Variants in SYNJ1 observed in about 807,000 individuals in gnomAD.
The protein encoded by SYNJ1 is synaptojanin 1.
In SYNJ1, 78 loss-of-function variants were observed where a neutral mutation model predicts 168.2. The observed-to-expected ratio is 0.46, with a 90% confidence interval of 0.39 to 0.56. SYNJ1 has a LOEUF of 0.56. Ranked by LOEUF, SYNJ1 falls within the 20% of genes least tolerant of loss-of-function variation. The probability of loss-of-function intolerance (pLI) is 0.00; values close to 1 mark genes in which losing one functional copy is unlikely to be tolerated. For synonymous variants in SYNJ1, 539 were observed against 548.6 expected, an observed-to-expected ratio of 0.98 and a Z score of 0.24; for missense variants, 1,303 against 1,597.6, an observed-to-expected ratio of 0.82 and a Z score of 3.14.
intron 25 of SYNJ1, among the ~76,000 whole-genome samples, chr21:32,645,216 T>C (rs1263584586): frequency 6.6e-6 from 1 of 152,234 alleles, no homozygotes; most frequent in African/African-American, 2.4e-5. Flanking sequence ...AACAAATACA[T>C]ACAATTGTAC....
At chr21:32,722,538 A>G (rs1488845597) in intron 2 of SYNJ1, among the ~76,000 whole-genome samples, 1 of 152,192 alleles carries the variant, frequency 6.6e-6, no homozygotes, top group Non-Finnish European at 1.5e-5. Context: ...TGACAGAACA[A>G]GACTCTGCTC....
rs76056543 is a variant in SYNJ1, at chr21:32,631,194, G to A, written c.*611C>T. ...CAGGTTGGAGCCAGAAAATGAACTT[G>A]GCTGATTACCCAGTAAGTCTGAACA... On this transcript the variant is annotated 3_prime_UTR_variant, in exon 33 of 33. Transcript: ENST00000674351. 1.0e-3 allele frequency: 1,690 copies of A among 1,614,146 alleles called. 15 individuals carry two copies. In the African/African-American group the frequency reaches 0.02, roughly 20 times the overall value.
intron 32 of SYNJ1, among the ~76,000 whole-genome samples, chr21:32,633,135 C>T (rs1230377081): frequency 6.6e-6 from 1 of 152,188 alleles, no homozygotes; most frequent in East Asian, 1.9e-4. Context: ...GCAACCATTG[C>T]TTAAAACCAG....
chr21:32,672,059 C>CAAAAAAAAAAAAAAAAAAA (rs1160074724), intron 14 of SYNJ1, among the ~76,000 whole-genome samples: 33 of 24,634 alleles, frequency 1.3e-3, no homozygotes, highest in African/African-American at 1.6e-3. Context: ...AACTCAATCT[C>CAAAAAAAAAAAAAAAAAAA]AAAAAAAAAA....
In SYNJ1 at chr21:32,639,790, GAAACATAAC is replaced by G. The variant is rs2039750039; in HGVS notation, c.3589-20_3589-12del. The G allele has an allele frequency of 6.2e-7, 1 of 1,607,628 alleles. No individual in the cohort carries two copies. The highest frequency in any genetic ancestry group is 8.5e-7 in the Non-Finnish European group (1 of 1,174,566). ...ACGAGGAGGAATCGTCTACAGATAG[GAAACATAAC>G]ACTTGAGACATTTACTTACCTTCCA... is the stretch of plus-strand genomic sequence containing the variant. On this transcript the variant is annotated splice_polypyrimidine_tract_variant and intron_variant, in intron 29 of 32. Coordinates refer to ENST00000674351, the MANE Select transcript of SYNJ1 (RefSeq NM_203446.3).
In SYNJ1 at chr21:32,722,205, AATAT is replaced by A. The variant is rs1195698677; in HGVS notation, c.124+4563_124+4566del. On this transcript the variant is annotated intron_variant, in intron 2 of 32. Coordinates refer to ENST00000674351, the MANE Select transcript of SYNJ1 (RefSeq NM_203446.3). ...CATCTCAAAGAAAAAAAAAAAAAAA[AATAT>A]ATATATATATATATATATATATAAT... Among the ~76,000 whole-genome samples, 476 of 65,690 alleles carry A rather than the reference AATAT, an allele frequency of 7.2e-3. 2 individuals carry two copies. Among genetic ancestry groups the A allele is most frequent in the African/African-American group, 0.02 (347 of 17,188 alleles). The allele number at this position is 65,690 out of a possible 152,430, so 43.1% of individuals were successfully genotyped here.
At chr21:32,636,612 A>T (rs1208483294) in intron 31 of SYNJ1, among the ~76,000 whole-genome samples, 4 of 152,154 alleles carry the variant, frequency 2.6e-5, no homozygotes, top group Non-Finnish European at 5.9e-5. Context: ...AATAATTTAA[A>T]ATTTTTTTTA....
chr21:32,720,829 T>G (rs1027657768), intron 2 of SYNJ1, among the ~76,000 whole-genome samples: 1 of 152,250 alleles, frequency 6.6e-6, no homozygotes, highest in Non-Finnish European at 1.5e-5. Flanking sequence ...CCATTTCCCA[T>G]ATGTTGACCT....
At chr21:32,704,594 G>A (rs1601486065) in intron 2 of SYNJ1, among the ~76,000 whole-genome samples, 1 of 152,156 alleles carries the variant, frequency 6.6e-6, no homozygotes, top group East Asian at 1.9e-4. Flanking sequence ...TCTGACTAGG[G>A]TGAGGAGAGG....
chr21:32,661,787 C>T (rs2145889923), intron 18 of SYNJ1, among the ~76,000 whole-genome samples: 1 of 152,218 alleles, frequency 6.6e-6, no homozygotes, highest in Non-Finnish European at 1.5e-5. Context: ...TTATGAAATA[C>T]TGTATCATAG....
intron 18 of SYNJ1, among the ~76,000 whole-genome samples, chr21:32,662,147 A>C (rs1379241971): frequency 6.6e-6 from 1 of 151,788 alleles, no homozygotes; most frequent in East Asian, 1.9e-4. Context: ...AGCCCAGACA[A>C]CTCCTGAAAG....
intron 4 of SYNJ1, among the ~76,000 whole-genome samples, chr21:32,697,276 A>G (rs1489135430): frequency 2.0e-5 from 3 of 152,180 alleles, no homozygotes; most frequent in Non-Finnish European, 4.4e-5. Flanking sequence ...GTATCCTGGA[A>G]AATATTGCTA....
chr21:32,692,904 G>A (rs2042076469), intron 6 of SYNJ1, among the ~76,000 whole-genome samples: 1 of 152,048 alleles, frequency 6.6e-6, no homozygotes, highest in African/African-American at 2.4e-5. Flanking sequence ...AGTGGTATGT[G>A]CCTGTAGTCC....
At chr21:32,697,071 T>C (rs1381124270) in intron 4 of SYNJ1, among the ~76,000 whole-genome samples, 1 of 152,218 alleles carries the variant, frequency 6.6e-6, no homozygotes, top group African/African-American at 2.4e-5. Flanking sequence ...TTAAATCCTA[T>C]GCATTTTGTG....
chr21:32,658,973 C>T (rs892846938), intron 18 of SYNJ1, among the ~76,000 whole-genome samples: 7 of 152,076 alleles, frequency 4.6e-5, no homozygotes, highest in Non-Finnish European at 8.8e-5. Flanking sequence ...ATTCTGGAAA[C>T]ATCTAGCCTG....
chr21:32,705,194 C>T (rs1049770268), intron 2 of SYNJ1, among the ~76,000 whole-genome samples: 23 of 150,846 alleles, frequency 1.5e-4, no homozygotes, highest in African/African-American at 4.6e-4. Flanking sequence ...TCTAGATAGA[C>T]TAAAGACAGA....
In SYNJ1 at chr21:32,697,779, C is replaced by A. The variant is rs187358074; in HGVS notation, c.479+2059G>T. 5.1e-3 allele frequency among the ~76,000 whole-genome samples: 778 copies of A among 152,280 alleles called. 5 individuals carry two copies. Among genetic ancestry groups the A allele is most frequent in the African/African-American group, 0.018 (731 of 41,548 alleles). On this transcript the variant is annotated intron_variant, in intron 4 of 32. Transcript: ENST00000674351. The stretch of plus-strand genomic sequence containing the variant: ...TCGCGCCACTGCGCTCCAGCCTGGG[C>A]GACAGAGTGACACTCAAAAAAATCA...
In SYNJ1 at chr21:32,657,130, G is replaced by C. The variant is rs775703634; in HGVS notation, c.2462-10C>G. On this transcript the variant is annotated splice_polypyrimidine_tract_variant and intron_variant, in intron 19 of 32. Transcript: ENST00000674351. ...AGATCTAGATCTTCAGCTGCAGTCA[G>C]AAGAAATGAAAACACAAGAGAAGCT... 7.7e-6 allele frequency: 12 copies of C among 1,554,708 alleles called. No individual in the cohort carries two copies. Among genetic ancestry groups the C allele is most frequent in the Non-Finnish European group, 1.1e-5 (12 of 1,126,134 alleles).
chr21:32,629,610 G>C lies in SYNJ1; in HGVS notation c.*2195C>G, dbSNP rs906622358. 6.6e-6 allele frequency: 1 copy of C among 152,516 alleles called. No individual in the cohort carries two copies. Among genetic ancestry groups the C allele is most frequent in the African/African-American group, 2.4e-5 (1 of 41,432 alleles). The allele number at this position is 152,516 out of a possible 1,614,324, so 9.4% of individuals were successfully genotyped here. A position where few individuals can be genotyped will look rare whatever the true frequency, so the allele number is the denominator to read the frequency against. ...CTTTAAAGGTTAAGTGTGGACATAGGAATTTAGGTGGACATATACAACTCT... is the reference window on the plus strand; with the variant it reads ...CTTTAAAGGTTAAGTGTGGACATAGCAATTTAGGTGGACATATACAACTCT... On this transcript the variant is annotated 3_prime_UTR_variant, in exon 33 of 33. Transcript: ENST00000674351.
Sources: allele counts gnomAD v4.1 joint callset (sites outside exome capture counted in the v4.1 genomes callset), GRCh38; gene constraint gnomAD v4.1.1; transcripts MANE v1.5; gene names NCBI Gene and HGNC (gene_info 2026-07-23, HGNC 2026-07-21).